KIF1C: variants seen among roughly 807,000 people sequenced by gnomAD.
KIF1C encodes the protein kinesin family member 1C, also known as kinesin-like protein KIF1C.
KIF1C carries 61 observed loss-of-function variants against 126.5 expected under a neutral mutation model. That is an observed-to-expected ratio of 0.48 (90% CI 0.39 to 0.60). The LOEUF (loss-of-function observed/expected upper bound fraction) is 0.60. Ranked by LOEUF, KIF1C falls within the 20% of genes least tolerant of loss-of-function variation. The probability of loss-of-function intolerance (pLI) is 0.00; values close to 1 mark genes in which losing one functional copy is unlikely to be tolerated. For synonymous variants in KIF1C, 640 were observed against 580.6 expected (o/e 1.10, Z -1.47); for missense variants, 1,315 against 1,489.2 (o/e 0.88, Z 1.93).
chr17:5,021,726 C>T (rs1010656837), intron 21 of KIF1C, among the ~76,000 whole-genome samples: 1 of 152,186 alleles, frequency 6.6e-6, no homozygotes, highest in Non-Finnish European at 1.5e-5. Flanking sequence ...AAGTGATCCT[C>T]CTGCCTTGGC....
rs150780890 is a variant in KIF1C, at chr17:5,013,634, C to T, written c.1492-19C>T. On this transcript the variant is annotated intron_variant, in intron 16 of 22. Transcript: ENST00000320785. ...ACCCCTGGCTGGCTCCCCCTGACCA[C>T]CTTTCTCTCCCCGCTTAGACTCCCC... The T allele has an allele frequency of 2.6e-5, 41 of 1,606,778 alleles. No individual in the cohort carries two copies. In the African/African-American group the frequency reaches 4.9e-4, roughly 19 times the overall value.
chr17:5,012,740 CAGGA>C (rs942255748), intron 16 of KIF1C, among the ~76,000 whole-genome samples: 17 of 152,098 alleles, frequency 1.1e-4, no homozygotes, highest in Non-Finnish European at 1.6e-4. Context: ...CAGCAGCTGG[CAGGA>C]AGGGAGACTT....
Position 5,027,839 on chromosome 17 carries a change from G to A in KIF1C, c.*3688G>A, listed in dbSNP as rs1975234440. 6.6e-6 allele frequency: 1 copy of A among 152,184 alleles called. No homozygotes were observed. The highest frequency in any genetic ancestry group is 6.6e-5 in the Admixed American group (1 of 15,254). 9.4% of individuals were successfully genotyped at this position (152,184 alleles called of 1,614,324 possible). ...ACAAAAATATATAAATTAGCCGGGT[G>A]TACTGGCTCACACCTGTAGCTACTT... On this transcript the variant is annotated 3_prime_UTR_variant, in exon 23 of 23. Transcript: ENST00000320785.
At chr17:5,002,197 C>A in intron 6 of KIF1C, 73 bp downstream of exon 6, 3 of 1,394,916 alleles carry the variant, frequency 2.2e-6, no homozygotes, top group Non-Finnish European at 3.1e-6. Context: ...ATCAGACAGC[C>A]TGGGATCTAA....
At chr17:5,001,985 C>A (rs1210531970) in intron 5 of KIF1C, 74 bp from the exon 6 acceptor site, 2 of 1,370,410 alleles carry the variant, frequency 1.5e-6, no homozygotes, top group Admixed American at 1.7e-5. Flanking sequence ...TGGGACTGGG[C>A]CTGGCCTGTG....
Position 5,013,730 on chromosome 17 carries a change from C to T in KIF1C, c.1569C>T (p.Thr523=). Residue 523 remains threonine (T), a splice_region_variant and synonymous_variant, in exon 17 of 23, where the codon ACC becomes ACT. Coordinates refer to ENST00000320785, the MANE Select transcript of KIF1C (RefSeq NM_006612.6). ...TCTACCACATCAAAGATGGCGTCAC[C>T]AGGTAGCGTGTACCCAGCGGCCTGG... The part of the protein sequence containing the change: ...CLLYHIKDGV[T]RVGQVDMDIK... 1 of 1,613,484 alleles carries T rather than the reference C, an allele frequency of 6.2e-7. No homozygotes were observed. Among genetic ancestry groups the T allele is most frequent in the Non-Finnish European group, 8.5e-7 (1 of 1,179,518 alleles).
intron 1 of KIF1C, among the ~76,000 whole-genome samples, chr17:4,998,839 C>T (rs765290330): frequency 2.0e-5 from 3 of 152,176 alleles, no homozygotes; most frequent in Non-Finnish European, 4.4e-5. Flanking sequence ...GTCCTCCTCC[C>T]TGTTGTCCGT....
At chr17:5,016,410 C>T (rs1234112891) in intron 18 of KIF1C, among the ~76,000 whole-genome samples, 1 of 151,850 alleles carries the variant, frequency 6.6e-6, no homozygotes, top group Non-Finnish European at 1.5e-5. Context: ...GCCACCACAC[C>T]CAGCCCTAAT....
intron 5 of KIF1C, among the ~76,000 whole-genome samples, chr17:5,001,787 C>T (rs1230297034): frequency 2.0e-5 from 3 of 152,212 alleles, no homozygotes; most frequent in Admixed American, 2.0e-4. Flanking sequence ...ATAATTGTCC[C>T]TGGCTGTCCA....
Position 5,024,406 on chromosome 17 carries a change from G to A in KIF1C, c.*255G>A, listed in dbSNP as rs1975168679. On this transcript the variant is annotated 3_prime_UTR_variant, in exon 23 of 23. Coordinates refer to ENST00000320785, the MANE Select transcript of KIF1C (RefSeq NM_006612.6). ...CTCGGGGCCACCCCTTGCAAAGGGG[G>A]TGTGTCCCACAAACGCTGCTATGGG... 4.9e-6 allele frequency: 2 copies of A among 408,874 alleles called. No homozygotes were observed. The highest frequency in any genetic ancestry group is 6.5e-4 in the Middle Eastern group (1 of 1,548). 25.3% of individuals were successfully genotyped at this position (408,874 alleles called of 1,614,324 possible).
At chr17:5,021,207 C>CT (rs1165512048) in intron 21 of KIF1C, among the ~76,000 whole-genome samples, 1 of 129,604 alleles carries the variant, frequency 7.7e-6, no homozygotes, top group Non-Finnish European at 1.6e-5. Flanking sequence ...ATGGAGTCTC[C>CT]TGTCACCCAG....
Position 5,018,355 on chromosome 17 carries a change from CT to C in KIF1C, c.1667-1640del, listed in dbSNP as rs1030683268. Among the ~76,000 whole-genome samples, 16 of 150,438 alleles carry C rather than the reference CT, an allele frequency of 1.1e-4. 1 individual carries two copies. Among genetic ancestry groups the C allele is most frequent in the Admixed American group, 9.9e-4 (15 of 15,098 alleles). ...TAGAATTAAATGCCTTTTTCCCCCC[CT>C]CTTCTTTTAGTTTTAATAAATGGCA... On this transcript the variant is annotated intron_variant, in intron 18 of 22. Coordinates refer to ENST00000320785, the MANE Select transcript of KIF1C (RefSeq NM_006612.6).
chr17:5,010,721 C>T (rs1263682049), intron 16 of KIF1C, among the ~76,000 whole-genome samples: 3 of 150,866 alleles, frequency 2.0e-5, no homozygotes, highest in Admixed American at 6.6e-5. Flanking sequence ...CACTCCAGCC[C>T]AGGTGACAGA....
chr17:5,010,865 C>T (rs1024832537), intron 16 of KIF1C, among the ~76,000 whole-genome samples: 6 of 151,122 alleles, frequency 4.0e-5, no homozygotes, highest in Admixed American at 3.3e-4. Flanking sequence ...GGCTGGAGTG[C>T]AGTGGTGCAA....
In KIF1C at chr17:5,024,256, G is replaced by C; in HGVS notation, c.*105G>C. The C allele has an allele frequency of 1.2e-6, 1 of 820,254 alleles. No homozygotes were observed. Among genetic ancestry groups the C allele is most frequent in the South Asian group, 1.8e-5 (1 of 56,768 alleles). The allele number at this position is 820,254 out of a possible 1,614,324, so 50.8% of individuals were successfully genotyped here. ...AGTGCTGGGGCAGGGAGGCCCAGGA[G>C]ATGAGAGAGAAGGTCCGAGTAGGTG... On this transcript the variant is annotated 3_prime_UTR_variant, in exon 23 of 23. Coordinates refer to ENST00000320785, the MANE Select transcript of KIF1C (RefSeq NM_006612.6).
At chr17:5,013,432 T>C (rs1055707615) in intron 16 of KIF1C, among the ~76,000 whole-genome samples, 2 of 152,028 alleles carry the variant, frequency 1.3e-5, no homozygotes, top group African/African-American at 4.8e-5. Flanking sequence ...TGGATCAGGC[T>C]GTCCTGAAGG....
intron 16 of KIF1C, 79 bp downstream of exon 16, chr17:5,007,621 G>C: frequency 5.7e-6 from 7 of 1,223,518 alleles, no homozygotes; most frequent in Non-Finnish European, 8.0e-6. Context: ...AGGGTAGTGA[G>C]TGCTGTCCCT....
Position 5,013,749 on chromosome 17 carries a change from G to T in KIF1C, c.1571+17G>T. On this transcript the variant is annotated intron_variant, in intron 17 of 22. Coordinates refer to ENST00000320785, the MANE Select transcript of KIF1C (RefSeq NM_006612.6). ...CGTCACCAGGTAGCGTGTACCCAGC[G>T]GCCTGGGGGGCAGCCTCTGCTTTTG... is the stretch of plus-strand genomic sequence containing the variant. The T allele has an allele frequency of 6.2e-7, 1 of 1,603,746 alleles. No homozygotes were observed. Among genetic ancestry groups the T allele is most frequent in the Non-Finnish European group, 8.5e-7 (1 of 1,171,380 alleles).
chr17:5,005,246 G>A (rs190011950), intron 13 of KIF1C, among the ~76,000 whole-genome samples: 2 of 152,346 alleles, frequency 1.3e-5, no homozygotes, highest in Admixed American at 6.5e-5. Context: ...TGGAAGTAAT[G>A]AAATGACTGT....
Sources: gnomAD v4.1 joint callset for allele counts (sites outside exome capture counted in the v4.1 genomes callset) on GRCh38, gnomAD v4.1.1 for gene constraint, MANE v1.5 for transcripts, NCBI Gene and HGNC (gene_info 2026-07-23, HGNC 2026-07-21) for gene names.